The following YIF1B variants were observed in gnomAD, a reference collection of about 807,000 sequenced individuals.
The protein encoded by YIF1B is Yip1 interacting factor homolog B, membrane trafficking protein.
YIF1B carries 24 observed loss-of-function variants against 34.6 expected under a neutral mutation model. The observed-to-expected ratio is 0.69, with a 90% CI of 0.50 to 0.98. YIF1B has a LOEUF of 0.98. Ranked by LOEUF, YIF1B falls within the 50% of genes least tolerant of loss-of-function variation. The probability of loss-of-function intolerance (pLI) is 0.00; values close to 1 mark genes in which losing one functional copy is unlikely to be tolerated. For synonymous variants in YIF1B, 186 were observed against 184.8 expected, an observed-to-expected ratio of 1.01 and a Z score of -0.05; for missense variants, 368 against 429.4, an observed-to-expected ratio of 0.86 and a Z score of 1.26.
intron 1 of YIF1B, among the ~76,000 whole-genome samples, chr19:38,313,291 C>T (rs1215946825): frequency 1.6e-5 from 2 of 128,020 alleles, no homozygotes; most frequent in African/African-American, 6.0e-5. Flanking sequence ...GACGGAGTCT[C>T]ACTGTCACCC....
rs1342822939 is a variant in YIF1B, at chr19:38,304,514, C to T, written c.*838G>A. The T allele has an allele frequency of 1.3e-6, 2 of 1,562,398 alleles. No homozygotes were observed. The highest frequency in any genetic ancestry group is 1.7e-6 in the Non-Finnish European group (2 of 1,153,616). On this transcript the variant is annotated 3_prime_UTR_variant, in exon 8 of 8. Transcript: ENST00000339413. Reference sequence around the variant, plus strand: ...AGGTAAGTCGCCTCATCACCGGCTGCGGAGGGGCGGGAAGGCTGGGGTTGC... The same window carrying T: ...AGGTAAGTCGCCTCATCACCGGCTGTGGAGGGGCGGGAAGGCTGGGGTTGC...
chr19:38,305,036 GCCCGTCCCCAGCTCCCTGC>G lies in YIF1B; in HGVS notation c.*297_*315del, dbSNP rs1452878194. The G allele has an allele frequency of 1.9e-6, 3 of 1,545,080 alleles. No homozygotes were observed. The African/African-American group carries it at 4.1e-5, about 21-fold the overall frequency. On this transcript the variant is annotated 3_prime_UTR_variant, in exon 8 of 8. Coordinates refer to ENST00000339413, the MANE Select transcript of YIF1B (RefSeq NM_001039672.3). ...ACTGGTCAGCGTGGTGCCTACTCTG[GCCCGTCCCCAGCTCCCTGC>G]CCCCTGCCCAGCGCTGGGCCCGCCC...
chr19:38,319,905 C>CA (rs989033670), upstream of YIF1B: 184 of 1,368,592 alleles, frequency 1.3e-4, no homozygotes, highest in Middle Eastern at 2.4e-3. Context: ...AGGCGGGGGC[C>CA]ACGTCAGCGG....
chr19:38,315,258 AAAAG>A (rs1385237321), intron 1 of YIF1B, among the ~76,000 whole-genome samples: 1 of 152,040 alleles, frequency 6.6e-6, no homozygotes, highest in East Asian at 1.9e-4. Context: ...AAAAAAAAAA[AAAAG>A]AAAAAGAAGT....
At chr19:38,315,779 C>G (rs1214703603) in intron 1 of YIF1B, 81 bp downstream of exon 1, 4 of 1,592,056 alleles carry the variant, frequency 2.5e-6, no homozygotes, top group Non-Finnish European at 3.4e-6. Flanking sequence ...CTCGTGACCT[C>G]TGACCTGCAG....
At chr19:38,317,895 T>A (rs1287999881), upstream of YIF1B, among the ~76,000 whole-genome samples, 4 of 151,712 alleles carry the variant, frequency 2.6e-5, no homozygotes, top group African/African-American at 9.7e-5. Flanking sequence ...TATATATATT[T>A]AATTAATAAA....
chr19:38,304,033 C>T lies in YIF1B; in HGVS notation c.*1319G>A. The stretch of plus-strand genomic sequence containing the variant: ...CAGAGCCCCCCTCAGTCGGCCTCCC[C>T]TGAGGCACCAAGGCTGGCGGAAGCA... On this transcript the variant is annotated 3_prime_UTR_variant, in exon 8 of 8. Transcript: ENST00000339413. The T allele has an allele frequency of 1.6e-6, 1 of 611,154 alleles. No individual in the cohort carries two copies. The highest frequency in any genetic ancestry group is 2.9e-6 in the Non-Finnish European group (1 of 349,926). 37.9% of individuals were successfully genotyped at this position (611,154 alleles called of 1,614,324 possible).
chr19:38,304,321 G>A lies in YIF1B; in HGVS notation c.*1031C>T, dbSNP rs1048433855. ...GGAGTGTGGACTGGAGGTGCAGGGG[G>A]CCGGACTCAAGCCCAGAAGCTGCCT... On this transcript the variant is annotated 3_prime_UTR_variant, in exon 8 of 8. Transcript: ENST00000339413. 17 of 1,613,068 alleles carry A rather than the reference G, an allele frequency of 1.1e-5. No homozygotes were observed. Among genetic ancestry groups the A allele is most frequent in the Admixed American group, 8.3e-5 (5 of 59,934 alleles).
At chr19:38,321,137 C>G (rs1969647422), upstream of YIF1B, among the ~76,000 whole-genome samples, 1 of 152,190 alleles carries the variant, frequency 6.6e-6, no homozygotes, top group African/African-American at 2.4e-5. Context: ...GACCCTGGCG[C>G]CTTAGCGAGG....
intron 5 of YIF1B, among the ~76,000 whole-genome samples, chr19:38,308,205 CGGA>C (rs1456681377): frequency 6.6e-6 from 1 of 152,102 alleles, no homozygotes; most frequent in Non-Finnish European, 1.5e-5. Flanking sequence ...GAAGGCTTCC[CGGA>C]GGAGGTGATA....
chr19:38,317,618 C>T (rs1485497181), upstream of YIF1B, among the ~76,000 whole-genome samples: 1 of 151,584 alleles, frequency 6.6e-6, no homozygotes, highest in Admixed American at 6.6e-5. Flanking sequence ...CTTGCTCTGT[C>T]GCCCAGGCTG....
intron 1 of YIF1B, chr19:38,309,991 T>TCCAG: frequency 9.2e-6 from 4 of 435,986 alleles, no homozygotes; most frequent in East Asian, 1.2e-4. Context: ...CATCCATCCA[T>TCCAG]CCAGCCATCC....
upstream of YIF1B, among the ~76,000 whole-genome samples, chr19:38,321,013 G>T (rs1485731970): frequency 6.6e-6 from 1 of 151,944 alleles, no homozygotes; most frequent in Non-Finnish European, 1.5e-5. Flanking sequence ...AACCATGCCA[G>T]GACCCCTGAC....
At chr19:38,317,301 G>T (rs373092341), upstream of YIF1B, 1 of 152,272 alleles carries the variant, frequency 6.6e-6, no homozygotes, top group Non-Finnish European at 1.5e-5. Flanking sequence ...TAGCGCATCC[G>T]GAAGGATGTC....
upstream of YIF1B, chr19:38,320,384 C>G: frequency 8.7e-7 from 1 of 1,150,942 alleles, no homozygotes; most frequent in Non-Finnish European, 1.2e-6. Context: ...CCCCTCTGGG[C>G]TTCGGATCCC....
Position 38,305,042 on chromosome 19 carries a change from C to A in YIF1B, c.*310G>T. On this transcript the variant is annotated 3_prime_UTR_variant, in exon 8 of 8. Transcript: ENST00000339413. Reference sequence around the variant, plus strand: ...CAGCGTGGTGCCTACTCTGGCCCGTCCCCAGCTCCCTGCCCCCTGCCCAGC... The same window carrying A: ...CAGCGTGGTGCCTACTCTGGCCCGTACCCAGCTCCCTGCCCCCTGCCCAGC... The A allele has an allele frequency of 6.5e-7, 1 of 1,541,588 alleles. No homozygotes were observed. The highest frequency in any genetic ancestry group is 1.2e-5 in the South Asian group (1 of 83,014).
intron 5 of YIF1B, 124 bp from the exon 6 acceptor site, chr19:38,307,876 C>A: frequency 7.9e-7 from 1 of 1,265,312 alleles, no homozygotes. Flanking sequence ...TGGATGTGCG[C>A]GCTATCCTAT....
At chr19:38,311,792 G>A (rs895686149) in intron 1 of YIF1B, among the ~76,000 whole-genome samples, 4 of 152,116 alleles carry the variant, frequency 2.6e-5, no homozygotes, top group African/African-American at 7.2e-5. Context: ...GGTGCTCAGA[G>A]GAGGTGTGTT....
At chr19:38,315,322 T>C in intron 1 of YIF1B, 1 of 1,022,766 alleles carries the variant, frequency 9.8e-7, no homozygotes, top group Non-Finnish European at 1.2e-6. Flanking sequence ...GTCATGTGCC[T>C]CCTCAGGGCT....
Sources: allele counts gnomAD v4.1 joint callset (sites outside exome capture counted in the v4.1 genomes callset), GRCh38; gene constraint gnomAD v4.1.1; transcripts MANE v1.5; gene names NCBI Gene and HGNC (gene_info 2026-07-23, HGNC 2026-07-21).